Variants in EYS observed in about 807,000 individuals in gnomAD.
EYS encodes the protein EGF-like photoreceptor maintenance factor, also known as protein eyes shut homolog.
In EYS, 250 loss-of-function variants were observed where a neutral mutation model predicts 282.1. That is an observed-to-expected ratio of 0.89 (90% confidence interval 0.80 to 0.98). EYS has a LOEUF of 0.98. EYS is among the 50% of genes least tolerant of loss of function. The pLI is 0.00. For synonymous variants in EYS, 1,355 were observed against 1,282.9 expected (o/e 1.06, Z -1.20); for missense variants, 4,016 against 3,709.0 (o/e 1.08, Z -2.15).
intron 16 of EYS, among the ~76,000 whole-genome samples, chr6:64,904,651 G>C (rs1767768410): frequency 6.6e-6 from 1 of 152,072 alleles, no homozygotes; most frequent in Non-Finnish European, 1.5e-5. Flanking sequence ...AGGGCATTTT[G>C]ACACTAAAAT....
chr6:64,989,018 T>C (rs1770959959), intron 14 of EYS, among the ~76,000 whole-genome samples: 2 of 151,580 alleles, frequency 1.3e-5, no homozygotes, highest in African/African-American at 2.4e-5. Flanking sequence ...TAAAACATGG[T>C]ATATATCTAT....
intron 35 of EYS, among the ~76,000 whole-genome samples, chr6:63,967,607 G>A (rs1766369561): frequency 6.6e-6 from 1 of 152,072 alleles, no homozygotes; most frequent in Non-Finnish European, 1.5e-5. Flanking sequence ...AAAAATTTTT[G>A]GAGTTTTGAT....
At chr6:64,759,067 A>T (rs1393769208) in intron 22 of EYS, among the ~76,000 whole-genome samples, 1 of 152,156 alleles carries the variant, frequency 6.6e-6, no homozygotes, top group Non-Finnish European at 1.5e-5. Context: ...TGAACCCGGG[A>T]GGCGAAGCTT....
chr6:63,946,859 G>C (rs1008733701), intron 35 of EYS, among the ~76,000 whole-genome samples: 15 of 151,532 alleles, frequency 9.9e-5, no homozygotes, highest in Admixed American at 4.6e-4. Context: ...GTGATGAAAA[G>C]ATAGATGCTT....
chr6:64,035,087 G>T (rs767670157), intron 33 of EYS, among the ~76,000 whole-genome samples: 5 of 152,172 alleles, frequency 3.3e-5, no homozygotes, highest in Non-Finnish European at 7.3e-5. Flanking sequence ...GGATACTGCT[G>T]AACACGTGGC....
At chr6:64,687,497 G>T (rs1337726028) in intron 22 of EYS, among the ~76,000 whole-genome samples, 2 of 152,068 alleles carry the variant, frequency 1.3e-5, no homozygotes, top group Non-Finnish European at 2.9e-5. Context: ...TTTGTCATTG[G>T]TTCTATTTAT....
chr6:64,392,302 C>T (rs1208284422), intron 28 of EYS, among the ~76,000 whole-genome samples: 2 of 149,138 alleles, frequency 1.3e-5, no homozygotes, highest in African/African-American at 5.1e-5. Flanking sequence ...GAACTCTCCA[C>T]CCCAAATCAA....
intron 26 of EYS, among the ~76,000 whole-genome samples, chr6:64,487,221 AAG>A (rs1491215020): frequency 1.6e-4 from 24 of 146,242 alleles, no homozygotes; most frequent in Non-Finnish European, 1.6e-4. Flanking sequence ...AAATCTTAGA[AAG>A]AGAGAATCTT....
chr6:64,801,707 AG>A (rs1450453225), intron 22 of EYS, among the ~76,000 whole-genome samples: 2 of 152,168 alleles, frequency 1.3e-5, no homozygotes, highest in Non-Finnish European at 2.9e-5. Context: ...TATCAAAGAA[AG>A]AAAAAAGTAC....
At chr6:64,794,574 C>T (rs1774296823) in intron 22 of EYS, among the ~76,000 whole-genome samples, 1 of 152,152 alleles carries the variant, frequency 6.6e-6, no homozygotes, top group Admixed American at 6.5e-5. Context: ...AGAAGCCTGA[C>T]CAGAGCCAAT....
Position 63,878,908 on chromosome 6 carries a change from C to T in EYS, c.7056-14550G>A, listed in dbSNP as rs989575832. On this transcript the variant is annotated intron_variant, in intron 35 of 42. Transcript: ENST00000503581. ...CCCTTGGCTAGGAAAGGGAATTCCC[C>T]GACTCCTTATGCTTCCTGGGTGAGA... Among the ~76,000 whole-genome samples, 12 of 152,200 alleles carry T rather than the reference C, an allele frequency of 7.9e-5. No individual in the cohort carries two copies. The East Asian group carries it at 9.7e-4, about 12-fold the overall frequency.
intron 12 of EYS, among the ~76,000 whole-genome samples, chr6:65,118,877 G>GA (rs1561975340): frequency 0.02 from 1,747 of 89,188 alleles, 28 homozygotes; most frequent in African/African-American, 0.092. Flanking sequence ...GGTTCTTTAA[G>GA]GAAAAAAAAA....
intron 29 of EYS, among the ~76,000 whole-genome samples, chr6:64,323,728 C>T (rs1264963246): frequency 1.3e-5 from 2 of 152,084 alleles, no homozygotes; most frequent in African/African-American, 2.4e-5. Context: ...TGTCCATCTA[C>T]AAGATCTTAC....
chr6:64,105,431 T>C (rs2150261880), intron 31 of EYS, among the ~76,000 whole-genome samples: 2 of 152,268 alleles, frequency 1.3e-5, no homozygotes, highest in South Asian at 2.1e-4. Flanking sequence ...TTACAATCCA[T>C]GAACCTATAC....
intron 18 of EYS, among the ~76,000 whole-genome samples, chr6:64,895,950 A>G (rs896843283): frequency 6.6e-6 from 1 of 152,090 alleles, no homozygotes; most frequent in African/African-American, 2.4e-5. Flanking sequence ...CAAACCATAT[A>G]CTAAATAATA....
chr6:64,143,577 CA>C (rs1380947952), intron 31 of EYS, among the ~76,000 whole-genome samples: 1 of 152,066 alleles, frequency 6.6e-6, no homozygotes, highest in African/African-American at 2.4e-5. Context: ...TTGAGAGATT[CA>C]GGTGGAGATA....
rs190551579 is a variant in EYS at position 63,873,837 on chromosome 6, G to T, written c.7056-9479C>A. On this transcript the variant is annotated intron_variant, in intron 35 of 42. Coordinates refer to ENST00000503581, the MANE Select transcript of EYS (RefSeq NM_001142800.2). ...ATATCCTTTGCTCACTTTTTGATGG[G>T]TTTTTTTTATTTTTTCTTGTAAATT... 4.6e-3 allele frequency among the ~76,000 whole-genome samples: 704 copies of T among 151,896 alleles called. 2 individuals are homozygous for T. Among genetic ancestry groups the T allele is most frequent in the African/African-American group, 6.6e-3 (272 of 41,432 alleles).
At chr6:63,997,539 C>G (rs886779664) in intron 34 of EYS, among the ~76,000 whole-genome samples, 2 of 152,138 alleles carry the variant, frequency 1.3e-5, no homozygotes, top group African/African-American at 4.8e-5. Flanking sequence ...GAACAGCCAC[C>G]GAGGCTTTAG....
chr6:64,542,259 A>G (rs1307559229), intron 26 of EYS, among the ~76,000 whole-genome samples: 1 of 152,130 alleles, frequency 6.6e-6, no homozygotes, highest in Non-Finnish European at 1.5e-5. Flanking sequence ...AGTGACCATT[A>G]TGACTTCAAG....
Sources: allele counts gnomAD v4.1 joint callset (sites outside exome capture counted in the v4.1 genomes callset), GRCh38; gene constraint gnomAD v4.1.1; transcripts MANE v1.5; gene names NCBI Gene and HGNC (gene_info 2026-07-23, HGNC 2026-07-21).